The following PRP4K variants were observed in gnomAD, a reference collection of about 807,000 sequenced individuals.
PRP4K encodes the protein pre-mRNA processing factor kinase PRP4K.
At chr6:4,034,366 C>T in the PRP4K span, among the ~76,000 whole-genome samples, 10 of 151,994 alleles carry the variant, frequency 6.6e-5, no homozygotes, top group African/African-American at 2.2e-4. Context: ...CTATTATATG[C>T]GAAGATGTGC....
At chr6:4,052,673 C>T in the PRP4K span, 8 of 1,410,040 alleles carry the variant, frequency 5.7e-6, no homozygotes, top group Non-Finnish European at 7.6e-6. Context: ...TTCCATTTTG[C>T]ATTTTAACTC....
the PRP4K span, chr6:4,060,604 G>T: frequency 6.2e-7 from 1 of 1,610,428 alleles, no homozygotes; most frequent in Non-Finnish European, 8.5e-7. The surrounding 1 kb of genome is among the most constrained non-coding windows in gnomAD (Gnocchi z 4.7). Flanking sequence ...CCTTCATCCA[G>T]GAAAAAATTT....
the PRP4K span, among the ~76,000 whole-genome samples, chr6:4,039,431 T>C: frequency 6.6e-6 from 1 of 152,208 alleles, no homozygotes; most frequent in African/African-American, 2.4e-5. Flanking sequence ...ATCTTTGGTA[T>C]GTGCCTCTCA....
chr6:4,043,509 A>G, the PRP4K span, among the ~76,000 whole-genome samples: 1 of 152,152 alleles, frequency 6.6e-6, no homozygotes, highest in Admixed American at 6.5e-5. Flanking sequence ...ATATTTCTAC[A>G]GTGAGGCATA....
At chr6:4,021,387 A>AGCCGCC in the PRP4K span, 1 of 1,561,034 alleles carries the variant, frequency 6.4e-7, no homozygotes, top group Non-Finnish European at 8.7e-7. Context: ...ACCGTCCGGG[A>AGCCGCC]GCCGCCGCCA....
chr6:4,058,700 A>G, the PRP4K span: 1 of 1,579,932 alleles, frequency 6.3e-7, no homozygotes, highest in Admixed American at 1.7e-5. Flanking sequence ...TAATAGTTCA[A>G]AACCCAAGTT....
chr6:4,039,705 G>A, the PRP4K span, among the ~76,000 whole-genome samples: 2 of 152,012 alleles, frequency 1.3e-5, no homozygotes. Flanking sequence ...GTTCATGTTG[G>A]ACCAATATTC....
chr6:4,047,795 A>C, the PRP4K span, among the ~76,000 whole-genome samples: 1 of 152,158 alleles, frequency 6.6e-6, no homozygotes, highest in Non-Finnish European at 1.5e-5. Context: ...TTTTCAATAT[A>C]AATTTCAAAG....
the PRP4K span, among the ~76,000 whole-genome samples, chr6:4,035,231 C>A: frequency 6.7e-6 from 1 of 149,482 alleles, no homozygotes; most frequent in East Asian, 2.0e-4. Context: ...ATTCTCCTGC[C>A]TCAGCTTCCC....
chr6:4,021,681 C>G, the PRP4K span, among the ~76,000 whole-genome samples: 3 of 152,214 alleles, frequency 2.0e-5, no homozygotes, highest in Non-Finnish European at 4.4e-5. Flanking sequence ...CGGCCGCGGC[C>G]TGCCGCGCGT....
the PRP4K span, among the ~76,000 whole-genome samples, chr6:4,039,967 G>A: frequency 6.6e-6 from 1 of 151,290 alleles, no homozygotes; most frequent in South Asian, 2.1e-4. Context: ...GTGTGATCAC[G>A]ACTCACTGCA....
At chr6:4,039,134 T>G in the PRP4K span, among the ~76,000 whole-genome samples, 41 of 152,220 alleles carry the variant, frequency 2.7e-4, no homozygotes, top group African/African-American at 5.5e-4. Flanking sequence ...ACTTTTCATT[T>G]GAAGACTTTT....
the PRP4K span, chr6:4,064,435 A>G: frequency 2.6e-5 from 4 of 152,624 alleles, no homozygotes; most frequent in African/African-American, 9.7e-5. Context: ...TCTGAGATGA[A>G]ACAAAGGAAT....
At chr6:4,045,623 T>C in the PRP4K span, among the ~76,000 whole-genome samples, 1 of 152,210 alleles carries the variant, frequency 6.6e-6, no homozygotes, top group African/African-American at 2.4e-5. Flanking sequence ...TATTTCTATC[T>C]CTTATTACAG....
chr6:4,054,568 G>T, the PRP4K span, among the ~76,000 whole-genome samples: 2 of 152,070 alleles, frequency 1.3e-5, no homozygotes, highest in Non-Finnish European at 2.9e-5. Flanking sequence ...GTGCAATGGC[G>T]TGATCTCGGC....
the PRP4K span, among the ~76,000 whole-genome samples, chr6:4,059,853 C>T: frequency 2.6e-5 from 4 of 152,326 alleles, no homozygotes; most frequent in East Asian, 7.7e-4. Context: ...CAGTGTTGCC[C>T]AGGCTGGTCT....
the PRP4K span, among the ~76,000 whole-genome samples, chr6:4,034,825 G>A: frequency 2.0e-5 from 3 of 151,616 alleles, no homozygotes; most frequent in East Asian, 1.9e-4. Flanking sequence ...CGATTCTCCT[G>A]CCTCAGCCTC....
At chr6:4,038,376 T>G in the PRP4K span, among the ~76,000 whole-genome samples, 1 of 151,886 alleles carries the variant, frequency 6.6e-6, no homozygotes. Flanking sequence ...AACCTCCACC[T>G]CCTGAGTTCA....
chr6:4,059,900 C>T, the PRP4K span, among the ~76,000 whole-genome samples: 1 of 152,214 alleles, frequency 6.6e-6, no homozygotes, highest in Admixed American at 6.5e-5. Flanking sequence ...CTACCTTGGG[C>T]TTCCAAAGTG....
Sources: allele counts gnomAD v4.1 joint callset (sites outside exome capture counted in the v4.1 genomes callset), GRCh38; gene constraint gnomAD v4.1.1; non-coding constraint Gnocchi (gnomAD v3.1); transcripts MANE v1.5; gene names NCBI Gene and HGNC (gene_info 2026-07-23, HGNC 2026-07-21).